Variants in CCDC170 observed in about 807,000 individuals in gnomAD.
CCDC170 encodes coiled-coil domain containing 170, also known as coiled-coil domain-containing protein 170.
Under a neutral mutation model 72.6 loss-of-function variants are expected in CCDC170, and 69 were observed. The observed-to-expected ratio is 0.95, with a 90% CI of 0.78 to 1.16. CCDC170 has a LOEUF of 1.16. Ranked by LOEUF, CCDC170 falls within the 50% of genes most tolerant of loss-of-function variation. The pLI is 0.00. For missense variants in CCDC170, 852 were observed against 832.5 expected, an observed-to-expected ratio of 1.02 and a Z score of -0.29; for synonymous variants, 300 against 303.9, an observed-to-expected ratio of 0.99 and a Z score of 0.13.
Position 151,585,937 on chromosome 6 carries a change from G to A in CCDC170, c.1141G>A (p.Gly381Arg). ...AQISELVEQL[G>R]KESGFHQKAL... ...AATATCTGAGCTTGTTGAACAGTTG[G>A]GAAAGGAGTCTGGGTTTCACCAGAA... The change falls in exon 7 of 11, where the codon GGA becomes AGA. Residue 381 changes from glycine to arginine, a missense_variant. Transcript: ENST00000239374. 6.2e-7 allele frequency: 1 copy of A among 1,613,922 alleles called. No individual in the cohort carries two copies. The highest frequency in any genetic ancestry group is 1.7e-5 in the Admixed American group (1 of 60,000).
intron 5 of CCDC170, among the ~76,000 whole-genome samples, chr6:151,553,570 G>T (rs527389874): frequency 1.3e-5 from 2 of 152,070 alleles, no homozygotes; most frequent in Non-Finnish European, 2.9e-5. Context: ...TCAGTAGTAG[G>T]AAACGAGTAA....
At chr6:151,509,656 A>T (rs1188556391) in intron 1 of CCDC170, among the ~76,000 whole-genome samples, 1 of 152,212 alleles carries the variant, frequency 6.6e-6, no homozygotes, top group Non-Finnish European at 1.5e-5. Flanking sequence ...GGTTAGAAAG[A>T]GATTTATGAA....
At chr6:151,605,341 G>C (rs936140610) in intron 9 of CCDC170, among the ~76,000 whole-genome samples, 10 of 152,186 alleles carry the variant, frequency 6.6e-5, no homozygotes, top group Non-Finnish European at 1.3e-4. Context: ...GGGAAATGTC[G>C]CAAAGGGGAT....
intron 1 of CCDC170, among the ~76,000 whole-genome samples, chr6:151,535,821 C>G (rs1782567078): frequency 6.6e-6 from 1 of 152,104 alleles, no homozygotes; most frequent in Non-Finnish European, 1.5e-5. Context: ...TTATAGCTCA[C>G]TGAAACCTCA....
At chr6:151,549,877 C>T (rs1483233446) in intron 5 of CCDC170, among the ~76,000 whole-genome samples, 1 of 152,226 alleles carries the variant, frequency 6.6e-6, no homozygotes, top group Non-Finnish European at 1.5e-5. Context: ...ATATACTATA[C>T]ATTATTGTCA....
intron 1 of CCDC170, among the ~76,000 whole-genome samples, chr6:151,495,228 A>T (rs1781892043): frequency 6.6e-6 from 1 of 152,230 alleles, no homozygotes; most frequent in African/African-American, 2.4e-5. Context: ...GTGGAAAATA[A>T]GTACCACTGT....
At chr6:151,494,271 C>G in intron 1 of CCDC170, 86 bp downstream of exon 1, 1 of 1,333,764 alleles carries the variant, frequency 7.5e-7, no homozygotes, top group Non-Finnish European at 9.9e-7. Flanking sequence ...GATTTGCACC[C>G]TTTTCCTCCC....
At chr6:151,556,071 T>G (rs1782968879) in intron 5 of CCDC170, among the ~76,000 whole-genome samples, 2 of 151,928 alleles carry the variant, frequency 1.3e-5, no homozygotes, top group South Asian at 2.1e-4. Flanking sequence ...CATAGTGAGA[T>G]CTCCATCTCT....
At chr6:151,579,238 T>C (rs895839972) in intron 6 of CCDC170, among the ~76,000 whole-genome samples, 1 of 152,160 alleles carries the variant, frequency 6.6e-6, no homozygotes, top group Non-Finnish European at 1.5e-5. Context: ...CTTTTTGGTG[T>C]GAAAAACAGC....
chr6:151,500,217 T>C (rs1168557438), intron 1 of CCDC170, among the ~76,000 whole-genome samples: 10 of 129,606 alleles, frequency 7.7e-5, no homozygotes, highest in Non-Finnish European at 1.2e-4. Flanking sequence ...TTTGCTCTGT[T>C]TTTTTTTTTT....
At chr6:151,541,635 A>T (rs1473768690) in intron 3 of CCDC170, among the ~76,000 whole-genome samples, 1 of 151,952 alleles carries the variant, frequency 6.6e-6, no homozygotes, top group Non-Finnish European at 1.5e-5. Context: ...CTATATGCAT[A>T]TTGTAAAAAA....
chr6:151,506,327 G>C (rs1179658717), intron 1 of CCDC170, among the ~76,000 whole-genome samples: 2 of 152,206 alleles, frequency 1.3e-5, no homozygotes, highest in East Asian at 3.8e-4. Context: ...TGGCTGTTAA[G>C]TGTTTCTTTC....
chr6:151,583,542 C>T (rs1205803466), intron 6 of CCDC170, among the ~76,000 whole-genome samples: 1 of 152,112 alleles, frequency 6.6e-6, no homozygotes, highest in Non-Finnish European at 1.5e-5. Context: ...ACTACAACCT[C>T]TGCCTCCCAG....
chr6:151,565,616 A>T (rs974163117), intron 5 of CCDC170, among the ~76,000 whole-genome samples: 8 of 152,176 alleles, frequency 5.3e-5, no homozygotes, highest in Admixed American at 2.0e-4. Context: ...TCGCTGTTTT[A>T]TTCTTCTTTG....
chr6:151,573,182 C>A lies in CCDC170; in HGVS notation c.783C>A (p.Leu261=). 1 of 1,612,480 alleles carries A rather than the reference C, an allele frequency of 6.2e-7. No individual in the cohort carries two copies. The highest frequency in any genetic ancestry group is 1.1e-5 in the South Asian group (1 of 90,952). Residue 261 remains leucine (L), a synonymous_variant, in exon 6 of 11, where the codon CTC becomes CTA. Transcript: ENST00000239374. ...TTCTGTAATCATTTTAGGACCTGCT[C>A]AGTGCTGTAGAAGCAAAAGAAGCTC... is the stretch of plus-strand genomic sequence containing the variant. ...EEKEKLNQDL[L]SAVEAKEALE...
In CCDC170 at chr6:151,544,633, G is replaced by C. The variant is rs1414415077; in HGVS notation, c.505G>C (p.Glu169Gln). 6.2e-7 allele frequency: 1 copy of C among 1,613,666 alleles called. No homozygotes were observed. The highest frequency in any genetic ancestry group is 8.5e-7 in the Non-Finnish European group (1 of 1,179,716). The change falls in exon 4 of 11, where the codon GAG becomes CAG. Residue 169 changes from glutamate to glutamine, a missense_variant. Physicochemically the swap from Glu to Gln is conservative, Grantham distance 29. Transcript: ENST00000239374. ...KQVSKNCRKH[E>Q]EFLTQLRDCL... ...AGTTTCAAAGAATTGCAGGAAACAT[G>C]AGGAATTTCTGACTCAACTGCGTGA...
intron 5 of CCDC170, among the ~76,000 whole-genome samples, chr6:151,557,313 G>A (rs1328374445): frequency 2.0e-5 from 3 of 151,882 alleles, no homozygotes; most frequent in Non-Finnish European, 4.4e-5. Context: ...GGAGGCTGAG[G>A]CAGGAGAATG....
At chr6:151,554,779 G>A (rs1327248176) in intron 5 of CCDC170, among the ~76,000 whole-genome samples, 1 of 151,820 alleles carries the variant, frequency 6.6e-6, no homozygotes, top group Non-Finnish European at 1.5e-5. Flanking sequence ...AAGAAGCTAG[G>A]CTCTTTAATT....
At position 151,581,184 on chromosome 6, in the gene CCDC170, T is replaced by C. The variant is rs141997061; in HGVS notation, c.1093-4705T>C. Among the ~76,000 whole-genome samples the C allele has an allele frequency of 1.8e-3, 280 of 152,304 alleles. 1 individual carries two copies. The highest frequency in any genetic ancestry group is 6.5e-3 in the African/African-American group (271 of 41,566). On this transcript the variant is annotated intron_variant, in intron 6 of 10. Coordinates refer to ENST00000239374, the MANE Select transcript of CCDC170 (RefSeq NM_025059.4). ...GAAAACAACAATTGACTCTTTTTTTTCTCAAAAGATTTCTCTGTAGCATGT... is the reference window on the plus strand; with the variant it reads ...GAAAACAACAATTGACTCTTTTTTTCCTCAAAAGATTTCTCTGTAGCATGT...
Sources: gnomAD v4.1 joint callset for allele counts (sites outside exome capture counted in the v4.1 genomes callset) on GRCh38, gnomAD v4.1.1 for gene constraint, MANE v1.5 for transcripts, NCBI Gene and HGNC (gene_info 2026-07-23, HGNC 2026-07-21) for gene names.